The following KIAA0513 variants were observed in gnomAD, a reference collection of about 807,000 sequenced individuals.
KIAA0513 encodes uncharacterized protein KIAA0513.
A neutral mutation model predicts 56.5 loss-of-function variants in KIAA0513; 39 were observed. The ratio of observed to expected loss-of-function variants is 0.69; its 90% CI spans 0.53 to 0.90. KIAA0513 has a LOEUF of 0.90. KIAA0513 is among the 40% of genes least tolerant of loss of function. KIAA0513 has a pLI of 0.00. For synonymous variants in KIAA0513, 268 were observed against 215.6 expected (o/e 1.24, Z -2.13); for missense variants, 591 against 535.2 (o/e 1.10, Z -1.03).
At chr16:85,057,173 T>C (rs2073341787) in intron 1 of KIAA0513, among the ~76,000 whole-genome samples, 1 of 152,212 alleles carries the variant, frequency 6.6e-6, no homozygotes. Flanking sequence ...TGGGTTATAT[T>C]GTAAACCCCC....
chr16:85,086,952 T>C (rs1196260614), intron 11 of KIAA0513, 120 bp from the exon 12 acceptor site: 1 of 991,162 alleles, frequency 1.0e-6, no homozygotes, highest in Non-Finnish European at 1.5e-6. Context: ...AGCAGTGCGT[T>C]TTAGTTTCTG....
At chr16:85,065,855 A>G (rs2073473554) in intron 1 of KIAA0513, among the ~76,000 whole-genome samples, 1 of 152,226 alleles carries the variant, frequency 6.6e-6, no homozygotes, top group Non-Finnish European at 1.5e-5. Flanking sequence ...GACCTGGGTT[A>G]GAAGCGAAGA....
intron 1 of KIAA0513, among the ~76,000 whole-genome samples, chr16:85,065,622 G>A (rs1054876284): frequency 1.3e-5 from 2 of 152,210 alleles, no homozygotes; most frequent in African/African-American, 4.8e-5. Context: ...AGGCCATTCT[G>A]CTATTGAATT....
intron 1 of KIAA0513, among the ~76,000 whole-genome samples, chr16:85,058,507 C>A (rs1302376968): frequency 6.6e-6 from 1 of 151,988 alleles, no homozygotes; most frequent in Non-Finnish European, 1.5e-5. Flanking sequence ...ACAAAATTAG[C>A]CGGGTGGGGT....
intron 1 of KIAA0513, among the ~76,000 whole-genome samples, chr16:85,028,206 G>C (rs949116242): frequency 3.3e-5 from 5 of 152,166 alleles, no homozygotes; most frequent in Non-Finnish European, 4.4e-5. Flanking sequence ...GGGGCAGATG[G>C]TGGCAGCAGG....
chr16:85,050,654 C>T (rs1423429865), intron 1 of KIAA0513, among the ~76,000 whole-genome samples: 4 of 152,180 alleles, frequency 2.6e-5, no homozygotes, highest in Non-Finnish European at 4.4e-5. Context: ...CTTTTCTTCC[C>T]TCCCCAATCC....
rs2073856052 is a variant in KIAA0513, at chr16:85,090,395, C to T, written c.*2070C>T. The T allele has an allele frequency of 6.6e-6, 1 of 152,154 alleles. No homozygotes were observed. Among genetic ancestry groups the T allele is most frequent in the African/African-American group, 2.4e-5 (1 of 41,422 alleles). The allele number at this position is 152,154 out of a possible 1,614,324, so 9.4% of individuals were successfully genotyped here. ...TTCTGCGGTGCCCACAGGACTTACC[C>T]CTGTATGTACAGGATTTTTGTATGA... On this transcript the variant is annotated 3_prime_UTR_variant, in exon 13 of 13. Transcript: ENST00000683363.
Position 85,067,407 on chromosome 16 carries a change from G to A in KIAA0513, c.329+7G>A, listed in dbSNP as rs1483037061. 5 of 1,590,400 alleles carry A rather than the reference G, an allele frequency of 3.1e-6. No homozygotes were observed. In the African/African-American group the frequency reaches 5.4e-5, roughly 17 times the overall value. ...AGAAGATCTTCTCTGGAGGGTAAGGGGCCTGTGTGGACGAGACAGCCTGGT... is the reference window on the plus strand; with the variant it reads ...AGAAGATCTTCTCTGGAGGGTAAGGAGCCTGTGTGGACGAGACAGCCTGGT... On this transcript the variant is annotated splice_region_variant and intron_variant, in intron 2 of 12. Coordinates refer to ENST00000683363, the MANE Select transcript of KIAA0513 (RefSeq NM_001388359.1).
chr16:85,051,613 C>G (rs1398179557), intron 1 of KIAA0513, among the ~76,000 whole-genome samples: 4 of 152,164 alleles, frequency 2.6e-5, no homozygotes. Context: ...GAATCATACT[C>G]TCTACTTCCT....
At chr16:85,082,730 G>A (rs936551482) in intron 10 of KIAA0513, 137 bp downstream of exon 10, 5 of 871,670 alleles carry the variant, frequency 5.7e-6, no homozygotes, top group Admixed American at 5.1e-5. Context: ...GGTGGCCGGC[G>A]GGGAGGGCGG....
chr16:85,030,958 T>C (rs1347448101), intron 1 of KIAA0513, among the ~76,000 whole-genome samples: 1 of 151,680 alleles, frequency 6.6e-6, no homozygotes, highest in African/African-American at 2.4e-5. Context: ...AGGTCTGGAA[T>C]GAAACAGGTG....
In KIAA0513 at chr16:85,046,017, G is replaced by A. The variant is rs1019702113; in HGVS notation, c.-173+18159G>A. On this transcript the variant is annotated intron_variant, in intron 1 of 12. Transcript: ENST00000683363. ...ATCCACAGGAAATGTCGCAGGGGGTGGGTCGTGCCACAGCCCCTGGAAACG... is the reference window on the plus strand; with the variant it reads ...ATCCACAGGAAATGTCGCAGGGGGTAGGTCGTGCCACAGCCCCTGGAAACG... 6.6e-5 allele frequency among the ~76,000 whole-genome samples: 10 copies of A among 152,268 alleles called. No individual in the cohort carries two copies. The East Asian group carries it at 1.9e-3, about 29-fold the overall frequency.
chr16:85,042,602 A>G (rs2073118712), intron 1 of KIAA0513, among the ~76,000 whole-genome samples: 1 of 152,218 alleles, frequency 6.6e-6, no homozygotes, highest in Non-Finnish European at 1.5e-5. Context: ...TTTAGCTCAT[A>G]TGTTACTGGA....
At chr16:85,069,302 C>T (rs1028223273) in intron 2 of KIAA0513, among the ~76,000 whole-genome samples, 2 of 151,802 alleles carry the variant, frequency 1.3e-5, no homozygotes, top group Non-Finnish European at 2.9e-5. Context: ...CCTCAAACTT[C>T]TGGCCTTAAG....
intron 1 of KIAA0513, among the ~76,000 whole-genome samples, chr16:85,043,741 C>T (rs977341154): frequency 2.6e-5 from 4 of 152,064 alleles, no homozygotes; most frequent in African/African-American, 9.7e-5. Context: ...GATTGAAATG[C>T]CTTACTTGAG....
At chr16:85,086,394 C>G (rs1293603418) in intron 10 of KIAA0513, among the ~76,000 whole-genome samples, 2 of 152,262 alleles carry the variant, frequency 1.3e-5, no homozygotes, top group Non-Finnish European at 2.9e-5. Context: ...ATAAAGAGCA[C>G]TTTCATTTCC....
chr16:85,033,609 C>A (rs2072996393), intron 1 of KIAA0513, among the ~76,000 whole-genome samples: 1 of 151,966 alleles, frequency 6.6e-6, no homozygotes, highest in Admixed American at 6.6e-5. Context: ...TCATATCTGA[C>A]CAAGGGTGAG....
In KIAA0513 at chr16:85,087,298, G is replaced by A. The variant is rs771143371; in HGVS notation, c.1186+132G>A. On this transcript the variant is annotated intron_variant, in intron 12 of 12. Transcript: ENST00000683363. ...GTCGGAAACGTGGTGCTGAGCTCTC[G>A]GCAGACGGCCCCTCCTTTCTCCCCA... 2.6e-4 allele frequency: 180 copies of A among 704,300 alleles called. 1 individual carries two copies. The highest frequency in any genetic ancestry group is 9.9e-4 in the Admixed American group (45 of 45,476). 43.6% of individuals were successfully genotyped at this position (704,300 alleles called of 1,614,324 possible). A position where few individuals can be genotyped will look rare whatever the true frequency, so the allele number is the denominator to read the frequency against.
chr16:85,043,322 C>T (rs4783117), intron 1 of KIAA0513, among the ~76,000 whole-genome samples: 2,284 of 152,088 alleles, frequency 0.015, 128 homozygotes, highest in Admixed American at 0.1. Flanking sequence ...CTCCAGCCTC[C>T]GTCTATGGTG....
Sources: allele counts gnomAD v4.1 joint callset (sites outside exome capture counted in the v4.1 genomes callset), GRCh38; gene constraint gnomAD v4.1.1; transcripts MANE v1.5; gene names NCBI Gene and HGNC (gene_info 2026-07-23, HGNC 2026-07-21).